Variants in PCNX2 observed in about 807,000 individuals in gnomAD.
The protein encoded by PCNX2 is pecanex-like protein 2.
PCNX2 carries 168 observed loss-of-function variants against 223.8 expected under a neutral mutation model. The observed-to-expected ratio is 0.75, with a 90% confidence interval of 0.66 to 0.85. PCNX2 has a LOEUF of 0.85. PCNX2 is among the 40% of genes least tolerant of loss of function. PCNX2 has a pLI of 0.00. For synonymous variants in PCNX2, 1,006 were observed against 1,052.6 expected (o/e 0.96, Z 0.86); for missense variants, 2,507 against 2,675.5 (o/e 0.94, Z 1.39).
At chr1:233,179,314 T>A (rs1022652257) in intron 15 of PCNX2, 139 bp from the exon 16 acceptor site, 1 of 887,458 alleles carries the variant, frequency 1.1e-6, no homozygotes, top group Non-Finnish European at 1.7e-6. Flanking sequence ...CACGGACATA[T>A]AAGCATCTGG....
chr1:233,299,862 T>G (rs1662232522), upstream of PCNX2, among the ~76,000 whole-genome samples: 1 of 152,192 alleles, frequency 6.6e-6, no homozygotes, highest in Non-Finnish European at 1.5e-5. Flanking sequence ...GCCAGAGTGC[T>G]CTATATAAAA....
chr1:233,315,619 T>C, the PCNX2 span, among the ~76,000 whole-genome samples: 1 of 152,140 alleles, frequency 6.6e-6, no homozygotes, highest in African/African-American at 2.4e-5. Flanking sequence ...AGACCTGATA[T>C]ACAGAAAACC....
chr1:233,057,929 AG>A, intron 23 of PCNX2: 1 of 985,474 alleles, frequency 1.0e-6, no homozygotes, highest in Non-Finnish European at 1.2e-6. Context: ...GTGTCCACAA[AG>A]GTATCTTTCT....
intron 32 of PCNX2, among the ~76,000 whole-genome samples, chr1:232,995,907 G>A (rs564984770): frequency 6.6e-6 from 1 of 152,106 alleles, no homozygotes; most frequent in African/African-American, 2.4e-5. Flanking sequence ...ACCCAGGCTG[G>A]AGTGCTGTGG....
intron 9 of PCNX2, among the ~76,000 whole-genome samples, chr1:233,235,957 A>AAAAAAATAT (rs369886650): frequency 5.4e-4 from 50 of 93,102 alleles, no homozygotes; most frequent in Admixed American, 1.1e-3. Context: ...CATAAAAAAA[A>AAAAAAATAT]ATATATATAT....
At chr1:233,266,949 C>T (rs1660365920) in intron 1 of PCNX2, among the ~76,000 whole-genome samples, 1 of 152,124 alleles carries the variant, frequency 6.6e-6, no homozygotes, top group South Asian at 2.1e-4. Flanking sequence ...ATTGGACCCA[C>T]CTCTGTCTGT....
At chr1:233,297,682 C>T (rs538392795), upstream of PCNX2, among the ~76,000 whole-genome samples, 6 of 152,094 alleles carry the variant, frequency 3.9e-5, no homozygotes, top group African/African-American at 9.7e-5. Flanking sequence ...ATGGGAGAAA[C>T]GGAACAGTAG....
intron 17 of PCNX2, among the ~76,000 whole-genome samples, chr1:233,164,473 G>A (rs532112582): frequency 6.6e-6 from 1 of 152,092 alleles, no homozygotes; most frequent in African/African-American, 2.4e-5. Flanking sequence ...GTATGTTGAA[G>A]AGATATCTGC....
At position 233,163,292 on chromosome 1, in the gene PCNX2, C is replaced by T. The variant is rs1236590135; in HGVS notation, c.3274-1929G>A. ...CTTGAGGTCAGGAGCTCAAGACCAG[C>T]CTGGCCAAACATGATGAAACCTCTG... On this transcript the variant is annotated intron_variant, in intron 17 of 33. Transcript: ENST00000258229. 3.3e-5 allele frequency among the ~76,000 whole-genome samples: 5 copies of T among 151,912 alleles called. No individual in the cohort carries two copies. In the East Asian group the frequency reaches 9.8e-4, roughly 30 times the overall value.
rs4027365 is a variant in PCNX2, at chr1:233,001,479, CATAAATAAATAAATAAATAA to C, written c.5097+38_5097+57del. ...GGGCAACAAGAGCGAAACTCCATCT[CATAAATAAATAAATAAATAA>C]ATAAATAAATAAATAAATAAATAAA... On this transcript the variant is annotated intron_variant, in intron 29 of 33. Transcript: ENST00000258229. The surrounding 1 kb of genome is among the most constrained non-coding windows in gnomAD (Gnocchi z 4.2). 1.0e-4 allele frequency: 68 copies of C among 682,174 alleles called. 2 individuals carry two copies. Among genetic ancestry groups the C allele is most frequent in the South Asian group, 8.4e-4 (14 of 16,756 alleles). 42.3% of individuals were successfully genotyped at this position (682,174 alleles called of 1,614,324 possible). A position where few individuals can be genotyped will look rare whatever the true frequency, so the allele number is the denominator to read the frequency against.
chr1:233,044,867 C>T (rs1039616556), intron 25 of PCNX2, among the ~76,000 whole-genome samples: 6 of 152,098 alleles, frequency 3.9e-5, no homozygotes, highest in African/African-American at 1.2e-4. Context: ...TGGGGTTTCA[C>T]CATGTTGGCC....
At chr1:233,234,810 G>A (rs1449522036) in intron 9 of PCNX2, among the ~76,000 whole-genome samples, 1 of 152,124 alleles carries the variant, frequency 6.6e-6, no homozygotes, top group Non-Finnish European at 1.5e-5. Flanking sequence ...GCTTATCTCA[G>A]GGGAAAATGC....
At chr1:233,290,814 G>C (rs1426938947) in intron 1 of PCNX2, 1 of 985,440 alleles carries the variant, frequency 1.0e-6, no homozygotes. Flanking sequence ...TTAAAGGAAA[G>C]GAAACAGAAA....
intron 13 of PCNX2, chr1:233,202,281 A>G (rs1681165440): frequency 2.2e-6 from 1 of 449,320 alleles, no homozygotes; most frequent in African/African-American, 2.1e-5. Flanking sequence ...TTAGCATACC[A>G]CTGAGTGGGC....
rs534150786 is a variant in PCNX2 at position 233,108,306 on chromosome 1, A to G, written c.3838-12443T>C. Among the ~76,000 whole-genome samples, 67 of 152,300 alleles carry G rather than the reference A, an allele frequency of 4.4e-4. No individual in the cohort carries two copies. The South Asian group carries it at 9.1e-3, about 21-fold the overall frequency. ...GGGAATCCTTTCCTGTACCACACCTAGTCCAAAATCTGAGGAGAGAAAGAT... is the reference window on the plus strand; with the variant it reads ...GGGAATCCTTTCCTGTACCACACCTGGTCCAAAATCTGAGGAGAGAAAGAT... On this transcript the variant is annotated intron_variant, in intron 21 of 33. Transcript: ENST00000258229.
Position 233,025,408 on chromosome 1 carries a change from G to A in PCNX2, c.4352-9C>T, listed in dbSNP as rs1378628913. ...CTGCTGGCAGTAGGTTCCTGGCCGA[G>A]CACAAACATGAAGGAAGTTTGAAGA... is the stretch of plus-strand genomic sequence containing the variant. On this transcript the variant is annotated splice_polypyrimidine_tract_variant and intron_variant, in intron 25 of 33. Coordinates refer to ENST00000258229, the MANE Select transcript of PCNX2 (RefSeq NM_014801.4). 3.7e-6 allele frequency: 6 copies of A among 1,612,860 alleles called. No homozygotes were observed. In the East Asian group the frequency reaches 8.9e-5, roughly 24 times the overall value.
intron 20 of PCNX2, among the ~76,000 whole-genome samples, chr1:233,136,192 T>C (rs2102768807): frequency 6.6e-6 from 1 of 152,270 alleles, no homozygotes; most frequent in South Asian, 2.1e-4. Flanking sequence ...GCTATGATAT[T>C]TGGCAACTGC....
Position 233,295,704 on chromosome 1 carries a change from G to A in PCNX2, c.-226C>T, listed in dbSNP as rs1397884426. Reference sequence around the variant, plus strand: ...GGAGCCGGCTGCTGCGGCCGGGCAGGTGAGCGCCATGTCCGAGGGAGGAAG... The same window carrying A: ...GGAGCCGGCTGCTGCGGCCGGGCAGATGAGCGCCATGTCCGAGGGAGGAAG... On this transcript the variant is annotated 5_prime_UTR_variant, in exon 1 of 34. Transcript: ENST00000258229. The surrounding 1 kb of genome is among the most constrained non-coding windows in gnomAD (Gnocchi z 4.1). 1.2e-5 allele frequency: 5 copies of A among 418,266 alleles called. No individual in the cohort carries two copies. The highest frequency in any genetic ancestry group is 4.7e-5 in the Admixed American group (1 of 21,332). The allele number at this position is 418,266 out of a possible 1,614,324, so 25.9% of individuals were successfully genotyped here.
At chr1:233,200,380 A>AAT in intron 13 of PCNX2, 116 bp from the exon 14 acceptor site, 12 of 455,118 alleles carry the variant, frequency 2.6e-5, no homozygotes, top group African/African-American at 4.8e-5. Flanking sequence ...TACTGGAGGC[A>AAT]ATCTTTTTTT....
Sources: gnomAD v4.1 joint callset for allele counts (sites outside exome capture counted in the v4.1 genomes callset) on GRCh38, gnomAD v4.1.1 for gene constraint, Gnocchi (gnomAD v3.1) non-coding constraint, MANE v1.5 for transcripts, NCBI Gene and HGNC (gene_info 2026-07-23, HGNC 2026-07-21) for gene names.